Variants in VAV2 observed in about 807,000 individuals in gnomAD.
The protein encoded by VAV2 is vav guanine nucleotide exchange factor 2.
VAV2 carries 67 observed loss-of-function variants against 132.5 expected under a neutral mutation model. That is an observed-to-expected ratio of 0.51 (90% CI 0.42 to 0.62). VAV2 has a LOEUF of 0.62. Among genes scored for constraint, VAV2 ranks in the 20% least tolerant of loss-of-function variants. VAV2 has a pLI of 0.00. For missense variants in VAV2, 938 were observed against 1,153.6 expected (o/e 0.81, Z 2.71); for synonymous variants, 492 against 443.5 (o/e 1.11, Z -1.37).
intron 2 of VAV2, among the ~76,000 whole-genome samples, chr9:133,913,367 G>GC (rs563003983): frequency 3.3e-5 from 5 of 152,332 alleles, no homozygotes; most frequent in African/African-American, 1.2e-4. Flanking sequence ...CTGGCAGTCA[G>GC]CACAGAAGGG....
chr9:133,933,323 G>C (rs1302001837), intron 2 of VAV2, among the ~76,000 whole-genome samples: 1 of 152,388 alleles, frequency 6.6e-6, no homozygotes, highest in South Asian at 2.1e-4. Flanking sequence ...CAAAGACTAC[G>C]TGAGTCTCCT....
At chr9:133,943,225 CCAAT>C (rs1180822939) in intron 1 of VAV2, among the ~76,000 whole-genome samples, 1 of 152,186 alleles carries the variant, frequency 6.6e-6, no homozygotes, top group Non-Finnish European at 1.5e-5. Flanking sequence ...CGCTCTGGAG[CCAAT>C]CAGAGCCTCA....
intron 2 of VAV2, among the ~76,000 whole-genome samples, chr9:133,870,099 A>G (rs965717562): frequency 1.3e-5 from 2 of 152,164 alleles, no homozygotes; most frequent in Non-Finnish European, 1.5e-5. Context: ...TGATAATTAC[A>G]AAACATGTGC....
intron 2 of VAV2, among the ~76,000 whole-genome samples, chr9:133,911,547 G>A (rs1235606243): frequency 6.6e-6 from 1 of 152,180 alleles, no homozygotes; most frequent in African/African-American, 2.4e-5. Flanking sequence ...AGTCAAGACG[G>A]TGAACATATT....
At chr9:133,786,523 G>GC (rs934696840) in intron 16 of VAV2, among the ~76,000 whole-genome samples, 3 of 151,940 alleles carry the variant, frequency 2.0e-5, no homozygotes, top group Non-Finnish European at 4.4e-5. Flanking sequence ...TGAGCGCAGG[G>GC]CCCCACCCAG....
chr9:133,971,275 C>T (rs1028624865), intron 1 of VAV2, among the ~76,000 whole-genome samples: 2 of 152,176 alleles, frequency 1.3e-5, no homozygotes, highest in African/African-American at 2.4e-5. Context: ...CTTGGCCCCT[C>T]GGTGTTTAAC....
At chr9:133,915,287 C>T (rs377002188) in intron 2 of VAV2, among the ~76,000 whole-genome samples, 2 of 152,162 alleles carry the variant, frequency 1.3e-5, no homozygotes, top group South Asian at 2.1e-4. Flanking sequence ...CTTGTGATCA[C>T]GTGGTTTCAC....
intron 2 of VAV2, among the ~76,000 whole-genome samples, chr9:133,869,914 C>G (rs1837960576): frequency 6.6e-6 from 1 of 152,266 alleles, no homozygotes; most frequent in South Asian, 2.1e-4. Context: ...ACTCACCTAT[C>G]TGCCTTGGAA....
intron 2 of VAV2, among the ~76,000 whole-genome samples, chr9:133,900,302 G>A (rs1839391307): frequency 6.6e-6 from 1 of 152,098 alleles, no homozygotes; most frequent in African/African-American, 2.4e-5. Context: ...GGTAATACTG[G>A]GGCTCAGAAA....
chr9:133,990,964 T>C lies in VAV2; in HGVS notation c.204+1111A>G, dbSNP rs928424441. Among the ~76,000 whole-genome samples the C allele has an allele frequency of 4.0e-5, 6 of 151,712 alleles. No individual in the cohort carries two copies. In the South Asian group the frequency reaches 8.3e-4, roughly 21 times the overall value. ...CCCAACCCGGCAGAGAAAGGCCCGG[T>C]CTCCTAGGAAACGCAGTCACCGCCA... On this transcript the variant is annotated intron_variant, in intron 1 of 29. Transcript: ENST00000371850.
At chr9:133,832,003 G>A (rs1320030904) in intron 4 of VAV2, among the ~76,000 whole-genome samples, 1 of 152,214 alleles carries the variant, frequency 6.6e-6, no homozygotes, top group Non-Finnish European at 1.5e-5. Flanking sequence ...AAGCCCAGCA[G>A]TGCCCAGCCC....
chr9:133,765,856 G>A (rs551792170), intron 29 of VAV2, among the ~76,000 whole-genome samples: 1 of 152,270 alleles, frequency 6.6e-6, no homozygotes, highest in Non-Finnish European at 1.5e-5. Flanking sequence ...TAAAGCAAAT[G>A]GGGCAAAACA....
chr9:133,976,602 T>C (rs1414708128), intron 1 of VAV2, among the ~76,000 whole-genome samples: 2 of 152,210 alleles, frequency 1.3e-5, no homozygotes, highest in African/African-American at 4.8e-5. Context: ...TTGTGGAACT[T>C]TTTCATGCCT....
intron 2 of VAV2, among the ~76,000 whole-genome samples, chr9:133,867,512 A>C (rs1399580009): frequency 6.6e-6 from 1 of 152,198 alleles, no homozygotes; most frequent in African/African-American, 2.4e-5. Flanking sequence ...CTCCAGGAGT[A>C]CTGGCTTTGC....
intron 2 of VAV2, among the ~76,000 whole-genome samples, chr9:133,924,573 T>C (rs953693110): frequency 6.6e-6 from 1 of 152,090 alleles, no homozygotes; most frequent in African/African-American, 2.4e-5. Flanking sequence ...ATCTGTACAC[T>C]AAGTCACCTA....
Position 133,811,994 on chromosome 9 carries a change from C to G in VAV2, c.552+120G>C, listed in dbSNP as rs370768708. The G allele has an allele frequency of 5.7e-5, 58 of 1,011,564 alleles. 1 individual carries two copies. In the African/African-American group the frequency reaches 8.6e-4, roughly 15 times the overall value. The allele number at this position is 1,011,564 out of a possible 1,614,324, so 62.7% of individuals were successfully genotyped here. A position where few individuals can be genotyped will look rare whatever the true frequency, so the allele number is the denominator to read the frequency against. On this transcript the variant is annotated intron_variant, in intron 5 of 29. Transcript: ENST00000371850. The stretch of plus-strand genomic sequence containing the variant: ...GCACCTCTGGACGTCCCCCTGCACC[C>G]AGAGCAGCTCCCCTTCGGTGGCTCA...
Position 133,949,150 on chromosome 9 carries a change from G to A in VAV2, c.205-9931C>T, listed in dbSNP as rs113856721. 7.1e-3 allele frequency among the ~76,000 whole-genome samples: 1,082 copies of A among 152,194 alleles called. 15 individuals carry two copies. Among genetic ancestry groups the A allele is most frequent in the African/African-American group, 0.025 (1,038 of 41,510 alleles). The stretch of plus-strand genomic sequence containing the variant: ...CACCTCCCAGGATGACTACCAAAAC[G>A]CGACTCACAACGCACTACACCACCT... On this transcript the variant is annotated intron_variant, in intron 1 of 29. Transcript: ENST00000371850.
At chr9:133,803,463 C>CA (rs1835017445) in intron 9 of VAV2, among the ~76,000 whole-genome samples, 1 of 152,240 alleles carries the variant, frequency 6.6e-6, no homozygotes, top group Admixed American at 6.5e-5. Context: ...CCAGCCTGGC[C>CA]AGACCCAGCC....
At chr9:133,901,076 A>G (rs1419407655) in intron 2 of VAV2, among the ~76,000 whole-genome samples, 2 of 152,144 alleles carry the variant, frequency 1.3e-5, no homozygotes, top group Non-Finnish European at 2.9e-5. Context: ...CTGATATCAT[A>G]GGCATGAGCC....
Sources: gnomAD v4.1 joint callset for allele counts (sites outside exome capture counted in the v4.1 genomes callset) on GRCh38, gnomAD v4.1.1 for gene constraint, MANE v1.5 for transcripts, NCBI Gene and HGNC (gene_info 2026-07-23, HGNC 2026-07-21) for gene names.